Variants in FSTL5 observed in about 807,000 individuals in gnomAD.
The protein encoded by FSTL5 is follistatin like 5.
In FSTL5, 62 loss-of-function variants were observed where a neutral mutation model predicts 89.1. The ratio of observed to expected loss-of-function variants is 0.70; its 90% CI spans 0.57 to 0.86. The LOEUF (loss-of-function observed/expected upper bound fraction) is 0.86. Ranked by LOEUF, FSTL5 falls within the 40% of genes least tolerant of loss-of-function variation. The probability of loss-of-function intolerance (pLI) is 0.00; values close to 1 mark genes in which losing one functional copy is unlikely to be tolerated. For synonymous variants in FSTL5, 383 were observed against 346.2 expected (o/e 1.11, Z -1.18); for missense variants, 1,057 against 1,001.6 (o/e 1.06, Z -0.75).
chr4:161,510,436 T>A lies in FSTL5; in HGVS notation c.1313-12A>T, dbSNP rs1383343114. The A allele has an allele frequency of 6.6e-7, 1 of 1,511,906 alleles. No individual in the cohort carries two copies. Among genetic ancestry groups the A allele is most frequent in the Non-Finnish European group, 8.9e-7 (1 of 1,124,118 alleles). 93.7% of individuals were successfully genotyped at this position (1,511,906 alleles called of 1,614,324 possible). On this transcript the variant is annotated splice_polypyrimidine_tract_variant and intron_variant, in intron 10 of 15. Coordinates refer to ENST00000306100, the MANE Select transcript of FSTL5 (RefSeq NM_020116.5). ...TAATATGTTAGCTACTGCAGCATGT[T>A]GAAAGAAAAAGAAGAAAAAGAAAAA...
intron 8 of FSTL5, among the ~76,000 whole-genome samples, chr4:161,580,131 A>T (rs994605986): frequency 1.3e-5 from 2 of 152,186 alleles, no homozygotes; most frequent in Non-Finnish European, 2.9e-5. Context: ...TAATTGAAGC[A>T]TCTTGACGTC....
At chr4:161,781,844 C>T (rs147660364) in intron 4 of FSTL5, among the ~76,000 whole-genome samples, 249 of 152,202 alleles carry the variant, frequency 1.6e-3, no homozygotes, top group African/African-American at 5.6e-3. Flanking sequence ...TACCATTATA[C>T]TATAATTTAC....
chr4:161,662,225 T>C (rs115182909), intron 6 of FSTL5, among the ~76,000 whole-genome samples: 2,690 of 152,270 alleles, frequency 0.018, 70 homozygotes, highest in African/African-American at 0.06. Context: ...TTAATATCAT[T>C]ATATTCATCC....
Position 162,032,847 on chromosome 4 carries a change from A to AT in FSTL5, c.160+777_160+778insA, listed in dbSNP as rs1368481709. 10 of 152,118 alleles carry AT rather than the reference A, an allele frequency of 6.6e-5. No individual in the cohort carries two copies. In the East Asian group the frequency reaches 1.9e-3, roughly 29 times the overall value. The allele number at this position is 152,118 out of a possible 1,614,324, so 9.4% of individuals were successfully genotyped here. A position where few individuals can be genotyped will look rare whatever the true frequency, so the allele number is the denominator to read the frequency against. On this transcript the variant is annotated intron_variant, in intron 3 of 15. Coordinates refer to ENST00000306100, the MANE Select transcript of FSTL5 (RefSeq NM_020116.5). ...ATATATATCTTTCTATTCAAAAAGG[A>AT]GGGAAAAAAACTGGACAATTGTGCT...
At chr4:161,805,193 G>C (rs1329500963) in intron 4 of FSTL5, among the ~76,000 whole-genome samples, 1 of 151,968 alleles carries the variant, frequency 6.6e-6, no homozygotes, top group Admixed American at 6.6e-5. Flanking sequence ...TTTTGCATGA[G>C]TTCTTTCTTT....
rs1052131481 is a variant in FSTL5 at position 161,499,931 on chromosome 4, T to A, written c.1458+85A>T. ...TCTTCCAACACGAGTCTCATATATGTATAGGTTTTGTTATATTTCCAAAAC... is the reference window on the plus strand; with the variant it reads ...TCTTCCAACACGAGTCTCATATATGAATAGGTTTTGTTATATTTCCAAAAC... On this transcript the variant is annotated intron_variant, in intron 12 of 15. Coordinates refer to ENST00000306100, the MANE Select transcript of FSTL5 (RefSeq NM_020116.5). 7 of 770,152 alleles carry A rather than the reference T, an allele frequency of 9.1e-6. No individual in the cohort carries two copies. In the East Asian group the frequency reaches 1.5e-4, roughly 17 times the overall value. The allele number at this position is 770,152 out of a possible 1,614,324, so 47.7% of individuals were successfully genotyped here.
At chr4:161,473,396 T>G (rs1303111984) in intron 13 of FSTL5, among the ~76,000 whole-genome samples, 2 of 150,984 alleles carry the variant, frequency 1.3e-5, no homozygotes, top group Non-Finnish European at 2.9e-5. Flanking sequence ...TTTTTATTAA[T>G]AAATTATCTC....
At chr4:161,918,985 G>A (rs1733917325) in intron 4 of FSTL5, among the ~76,000 whole-genome samples, 1 of 151,968 alleles carries the variant, frequency 6.6e-6, no homozygotes, top group Non-Finnish European at 1.5e-5. Context: ...ATGGATGTCA[G>A]GTGAACAAAC....
At chr4:161,871,535 A>G (rs1732262866) in intron 4 of FSTL5, among the ~76,000 whole-genome samples, 2 of 152,178 alleles carry the variant, frequency 1.3e-5, no homozygotes, top group Admixed American at 1.3e-4. Context: ...TATGGATAAC[A>G]TAAACCTACA....
chr4:161,941,836 C>A (rs1734595484), intron 3 of FSTL5, among the ~76,000 whole-genome samples: 1 of 151,908 alleles, frequency 6.6e-6, no homozygotes, highest in Non-Finnish European at 1.5e-5. Flanking sequence ...GCAGAGTATG[C>A]ATTTTTCTCA....
chr4:161,993,700 T>A (rs1736204799), intron 3 of FSTL5, among the ~76,000 whole-genome samples: 1 of 152,078 alleles, frequency 6.6e-6, no homozygotes, highest in African/African-American at 2.4e-5. Context: ...AAGGTACGTT[T>A]CTAGCATGCT....
rs534804952 is a variant in FSTL5, at chr4:161,406,892, C to T, written c.1842-20443G>A. ...AATTTTAATCAATTTTGCCCACACC[C>T]GCCTTTTTTAAGGTTCCAGAACAAG... On this transcript the variant is annotated intron_variant, in intron 15 of 15. Transcript: ENST00000306100. Among the ~76,000 whole-genome samples the T allele has an allele frequency of 2.6e-5, 4 of 152,184 alleles. No homozygotes were observed. The East Asian group carries it at 5.8e-4, about 22-fold the overall frequency.
At chr4:161,829,259 G>C (rs1042139392) in intron 4 of FSTL5, among the ~76,000 whole-genome samples, 3 of 149,400 alleles carry the variant, frequency 2.0e-5, no homozygotes, top group Non-Finnish European at 4.4e-5. Context: ...GTATTCCAGA[G>C]GAAAAGCTCT....
chr4:161,476,192 TGTTTG>T (rs770756065), intron 13 of FSTL5, among the ~76,000 whole-genome samples: 3 of 113,596 alleles, frequency 2.6e-5, no homozygotes, highest in African/African-American at 6.4e-5. Flanking sequence ...TTTTTTTGTT[TGTTTG>T]TTTTTTTGAG....
At chr4:161,468,797 A>T (rs1025740868) in intron 13 of FSTL5, among the ~76,000 whole-genome samples, 3 of 152,010 alleles carry the variant, frequency 2.0e-5, no homozygotes, top group African/African-American at 7.2e-5. Flanking sequence ...TATCTGTAAG[A>T]CTGTGTGTAT....
chr4:161,547,095 T>C (rs940498673), intron 8 of FSTL5, among the ~76,000 whole-genome samples: 2 of 152,066 alleles, frequency 1.3e-5, no homozygotes, highest in Non-Finnish European at 2.9e-5. Flanking sequence ...GATGCTTATA[T>C]GCCAAGGGGC....
chr4:161,761,629 A>T (rs1420515235), intron 5 of FSTL5, among the ~76,000 whole-genome samples: 1 of 152,196 alleles, frequency 6.6e-6, no homozygotes, highest in Non-Finnish European at 1.5e-5. Context: ...TTCCCACTTT[A>T]TACTTATCAC....
Position 162,111,416 on chromosome 4 carries a change from T to A in FSTL5, c.-16-4A>T, listed in dbSNP as rs979846973. 1 of 1,585,188 alleles carries A rather than the reference T, an allele frequency of 6.3e-7. No homozygotes were observed. Among genetic ancestry groups the A allele is most frequent in the African/African-American group, 1.3e-5 (1 of 74,216 alleles). On this transcript the variant is annotated splice_polypyrimidine_tract_variant and splice_region_variant and intron_variant, in intron 1 of 15. Transcript: ENST00000306100. ...AAACATCCTTATTGCTTTTCACCTG[T>A]CAAAATTAAAATTGCAAGGAATCAG...
chr4:161,451,748 G>A (rs538949988), intron 15 of FSTL5, among the ~76,000 whole-genome samples: 1 of 152,166 alleles, frequency 6.6e-6, no homozygotes, highest in Admixed American at 6.5e-5. Context: ...CTGATAATGT[G>A]TTGGAGGCTG....
Sources: gnomAD v4.1 joint callset for allele counts (sites outside exome capture counted in the v4.1 genomes callset) on GRCh38, gnomAD v4.1.1 for gene constraint, MANE v1.5 for transcripts, NCBI Gene and HGNC (gene_info 2026-07-23, HGNC 2026-07-21) for gene names.